NIT1: variants seen among roughly 807,000 people sequenced by gnomAD.
NIT1 encodes nitrilase 1.
Under a neutral mutation model 36.8 loss-of-function variants are expected in NIT1, and 30 were observed. The ratio of observed to expected loss-of-function variants is 0.82; its 90% CI spans 0.61 to 1.11. The LOEUF (loss-of-function observed/expected upper bound fraction) is 1.11. Ranked by LOEUF, NIT1 falls within the 50% of genes least tolerant of loss-of-function variation. NIT1 has a pLI of 0.00. For synonymous variants in NIT1, 151 were observed against 155.6 expected, an observed-to-expected ratio of 0.97 and a Z score of 0.22; for missense variants, 438 against 410.6, an observed-to-expected ratio of 1.07 and a Z score of -0.58.
chr1:161,118,128 C>T lies in NIT1; in HGVS notation c.-49C>T, dbSNP rs746514957. The T allele has an allele frequency of 5.6e-6, 9 of 1,613,710 alleles. No homozygotes were observed. Among genetic ancestry groups the T allele is most frequent in the Non-Finnish European group, 6.8e-6 (8 of 1,179,884 alleles). The stretch of plus-strand genomic sequence containing the variant: ...CCACTCGCTGCGGCGCTTCTGGCTC[C>T]AGACCGCCCTCCGGATCGGACCCTG... On this transcript the variant is annotated 5_prime_UTR_variant, in exon 1 of 7. Transcript: ENST00000368009.
At chr1:161,122,177 C>G (rs1187099077), downstream of NIT1, 3 of 1,613,882 alleles carry the variant, frequency 1.9e-6, no homozygotes, top group Non-Finnish European at 1.7e-6. The surrounding 1 kb of genome is among the most constrained non-coding windows in gnomAD (Gnocchi z 4.2). Flanking sequence ...TCAAGTTCCT[C>G]AGGAGTTTCT....
downstream of NIT1, chr1:161,122,041 AGG>A (rs1655557151): frequency 1.6e-5 from 21 of 1,313,492 alleles, no homozygotes; most frequent in Non-Finnish European, 2.1e-5. The surrounding 1 kb of genome is among the most constrained non-coding windows in gnomAD (Gnocchi z 4.2). Flanking sequence ...AAAAAAAAAA[AGG>A]CAGGGGTGTG....
In NIT1 at chr1:161,120,773, C is replaced by T. The variant is rs531389777; in HGVS notation, c.*8C>T. 3 of 1,611,314 alleles carry T rather than the reference C, an allele frequency of 1.9e-6. No individual in the cohort carries two copies. Among genetic ancestry groups the T allele is most frequent in the African/African-American group, 1.3e-5 (1 of 75,042 alleles). ...GGTCACCCACTGTCTTAAGACTTGA[C>T]TTCTGTGAGTTTAGACCTGCCCCTC... On this transcript the variant is annotated 3_prime_UTR_variant, in exon 7 of 7. Transcript: ENST00000368009.
chr1:161,123,267 G>A, downstream of NIT1: 2 of 1,555,872 alleles, frequency 1.3e-6, no homozygotes, highest in African/African-American at 1.4e-5. Flanking sequence ...GGTAAAGGCA[G>A]AAATTCAAAC....
chr1:161,123,175 C>T (rs926267043), downstream of NIT1: 14 of 1,614,186 alleles, frequency 8.7e-6, no homozygotes, highest in Non-Finnish European at 1.1e-5. Context: ...TGCTACACAT[C>T]TGAGGACCCG....
chr1:161,118,118 C>A lies in NIT1; in HGVS notation c.-59C>A, dbSNP rs537093405. 9.3e-6 allele frequency: 15 copies of A among 1,613,676 alleles called. No individual in the cohort carries two copies. In the African/African-American group the frequency reaches 1.9e-4, roughly 20 times the overall value. The stretch of plus-strand genomic sequence containing the variant: ...GAGTTACCGCCCACTCGCTGCGGCG[C>A]TTCTGGCTCCAGACCGCCCTCCGGA... On this transcript the variant is annotated 5_prime_UTR_variant, in exon 1 of 7. Transcript: ENST00000368009.
downstream of NIT1, chr1:161,121,815 C>A (rs1030643699): frequency 1.3e-5 from 3 of 223,830 alleles, no homozygotes; most frequent in African/African-American, 2.2e-5. Context: ...TTAGTGCATC[C>A]AAAAAAAAGT....
At chr1:161,119,011 G>A in intron 2 of NIT1, 123 bp from the exon 3 acceptor site, 1 of 1,387,526 alleles carries the variant, frequency 7.2e-7, no homozygotes, top group Non-Finnish European at 1.0e-6. Flanking sequence ...CTGGGTCAAC[G>A]TGCCCTGTAA....
rs1557970093 is a variant in NIT1 at position 161,119,275 on chromosome 1, C to A, written c.240C>A (p.Cys80Ter). The change falls in exon 3 of 7, where the codon TGC (cysteine) becomes TGA (stop). Residue 80 changes from cysteine (C) to a stop codon, truncating the protein, a stop_gained. Transcript: ENST00000368009. LOFTEE classifies it high-confidence loss of function. ...GAGAGGCTGCCAGACTGGGTGCCTG[C>A]CTGGCTTTCCTGCCTGAGGCATTTG... ...LVREAARLGA[C>*]LAFLPEAFDF... 1.4e-5 allele frequency: 22 copies of A among 1,614,178 alleles called. No homozygotes were observed. Among genetic ancestry groups the A allele is most frequent in the Non-Finnish European group, 1.9e-5 (22 of 1,180,014 alleles).
chr1:161,118,434 A>C, intron 1 of NIT1: 1 of 1,535,990 alleles, frequency 6.5e-7, no homozygotes, highest in East Asian at 2.4e-5. Context: ...GCTTCGAGTC[A>C]GTAAAGCTGC....
downstream of NIT1, chr1:161,121,348 A>AT (rs1655469124): frequency 5.2e-6 from 1 of 192,654 alleles, no homozygotes; most frequent in Non-Finnish European, 9.5e-6. Flanking sequence ...TACATTATTT[A>AT]TTTTCACTTG....
intron 4 of NIT1, 56 bp from the exon 5 acceptor site, chr1:161,119,763 G>A: frequency 6.3e-7 from 1 of 1,574,858 alleles, no homozygotes; most frequent in Non-Finnish European, 8.6e-7. Context: ...CTCCTTGGGA[G>A]GAGTAAGCAA....
rs1655146798 is a variant in NIT1 at position 161,119,205 on chromosome 1, C to T, written c.170C>T (p.Thr57Met). ...GTGGCTGTGTGCCAGGTAACATCGACGCCAGACAAGCAACAGAACTTTAAA... is the reference window on the plus strand; with the variant it reads ...GTGGCTGTGTGCCAGGTAACATCGATGCCAGACAAGCAACAGAACTTTAAA... The part of the protein sequence containing the change: ...PLVAVCQVTS[T>M]PDKQQNFKTC... Residue 57 changes from threonine (T) to methionine (M), a missense_variant, in exon 3 of 7, where the codon ACG (threonine) becomes ATG (methionine). Transcript: ENST00000368009. The T allele has an allele frequency of 5.0e-6, 8 of 1,614,054 alleles. No individual in the cohort carries two copies. Among genetic ancestry groups the T allele is most frequent in the African/African-American group, 1.3e-5 (1 of 74,920 alleles).
downstream of NIT1, chr1:161,123,163 C>T: frequency 6.2e-7 from 1 of 1,614,204 alleles, no homozygotes; most frequent in South Asian, 1.1e-5. Context: ...GGGCTGGCCG[C>T]TTGCTACACA....
downstream of NIT1, chr1:161,124,123 C>G (rs576987517): frequency 1.0e-5 from 16 of 1,605,860 alleles, no homozygotes; most frequent in Non-Finnish European, 1.4e-5. Context: ...ATTCCAGCCC[C>G]TAATACTTCC....
downstream of NIT1, chr1:161,124,289 A>G: frequency 6.2e-7 from 1 of 1,614,236 alleles, no homozygotes; most frequent in South Asian, 1.1e-5. Context: ...GGATGAGTCC[A>G]CGCTCGTGGT....
At chr1:161,123,104 G>T, downstream of NIT1, 1 of 1,614,218 alleles carries the variant, frequency 6.2e-7, no homozygotes, top group Non-Finnish European at 8.5e-7. Flanking sequence ...GGGATCTGGT[G>T]TCACTGACTT....
chr1:161,122,877 A>G (rs1655677352), downstream of NIT1: 3 of 979,352 alleles, frequency 3.1e-6, no homozygotes, highest in African/African-American at 1.6e-5. The surrounding 1 kb of genome is among the most constrained non-coding windows in gnomAD (Gnocchi z 4.2). Flanking sequence ...TGTAGTATTA[A>G]CTAACAAGAG....
chr1:161,123,734 G>T, downstream of NIT1: 2 of 1,003,882 alleles, frequency 2.0e-6, no homozygotes, highest in Non-Finnish European at 3.0e-6. Flanking sequence ...GGCAAGATGT[G>T]GGCGCACAGC....
Sources: gnomAD v4.1 joint callset for allele counts on GRCh38, gnomAD v4.1.1 for gene constraint, Gnocchi (gnomAD v3.1) non-coding constraint, MANE v1.5 for transcripts, NCBI Gene and HGNC (gene_info 2026-07-23, HGNC 2026-07-21) for gene names.